Variants in MORC1 observed in about 807,000 individuals in gnomAD.
MORC1 encodes the protein MORC family CW-type zinc finger protein 1.
In MORC1, 59 loss-of-function variants were observed where a neutral mutation model predicts 134.9. The observed-to-expected ratio is 0.44, with a 90% confidence interval of 0.35 to 0.54. The LOEUF (loss-of-function observed/expected upper bound fraction) is 0.54, where lower values mean the gene tolerates loss of function less well. Ranked by LOEUF, MORC1 falls within the 20% of genes least tolerant of loss-of-function variation. The probability of loss-of-function intolerance (pLI) is 0.00; values close to 1 mark genes in which losing one functional copy is unlikely to be tolerated. For missense variants in MORC1, 947 were observed against 1,134.5 expected (o/e 0.83, Z 2.37); for synonymous variants, 395 against 391.7 (o/e 1.01, Z -0.10).
intron 17 of MORC1, among the ~76,000 whole-genome samples, chr3:109,008,877 C>A (rs933937110): frequency 1.3e-5 from 2 of 152,044 alleles, no homozygotes; most frequent in East Asian, 3.9e-4. Context: ...AAGAAGTATG[C>A]TAAAATCAAA....
chr3:109,090,228 G>C (rs888769274), intron 8 of MORC1, among the ~76,000 whole-genome samples: 1 of 152,008 alleles, frequency 6.6e-6, no homozygotes, highest in Non-Finnish European at 1.5e-5. Flanking sequence ...TGACGTGATT[G>C]TCATCTTGAA....
At chr3:109,113,048 A>G (rs1951201223) in intron 2 of MORC1, among the ~76,000 whole-genome samples, 1 of 152,214 alleles carries the variant, frequency 6.6e-6, no homozygotes, top group Non-Finnish European at 1.5e-5. Context: ...GAGAAAAGAC[A>G]GTTGGAAAAA....
At chr3:109,106,468 T>G (rs1951039222) in intron 3 of MORC1, among the ~76,000 whole-genome samples, 1 of 152,200 alleles carries the variant, frequency 6.6e-6, no homozygotes, top group Non-Finnish European at 1.5e-5. Flanking sequence ...CTTGTTTATT[T>G]CAATTCCTTA....
chr3:109,069,547 A>G, intron 9 of MORC1, 85 bp downstream of exon 9: 1 of 1,307,926 alleles, frequency 7.6e-7, no homozygotes, highest in Non-Finnish European at 1.0e-6. Context: ...TATCAAAGTC[A>G]ATGTCCTCAC....
chr3:109,031,661 T>C (rs966610793), intron 16 of MORC1, among the ~76,000 whole-genome samples: 2 of 152,128 alleles, frequency 1.3e-5, no homozygotes, highest in Admixed American at 1.3e-4. Flanking sequence ...ATTCTCATTT[T>C]TCCAAAATAA....
At chr3:109,114,341 C>T in intron 2 of MORC1, 43 bp downstream of exon 2, 1 of 1,520,344 alleles carries the variant, frequency 6.6e-7, no homozygotes, top group Middle Eastern at 1.7e-4. Flanking sequence ...AGAGTTATGT[C>T]ATGAAATTCC....
chr3:109,116,955 G>A (rs1410615039), intron 1 of MORC1, among the ~76,000 whole-genome samples: 1 of 152,144 alleles, frequency 6.6e-6, no homozygotes, highest in Admixed American at 6.5e-5. Flanking sequence ...TGAAGCAGTA[G>A]CCACAAAATC....
At chr3:109,069,502 TG>T in intron 9 of MORC1, 129 bp downstream of exon 9, 2 of 875,312 alleles carry the variant, frequency 2.3e-6, no homozygotes, top group Non-Finnish European at 3.3e-6. Context: ...TTCCTGGATG[TG>T]GTTTAAATTT....
At chr3:109,058,467 G>A (rs1950011122) in intron 12 of MORC1, among the ~76,000 whole-genome samples, 1 of 151,962 alleles carries the variant, frequency 6.6e-6, no homozygotes, top group South Asian at 2.1e-4. Context: ...TTGGCCTTTT[G>A]TTTTCAGGCT....
intron 3 of MORC1, among the ~76,000 whole-genome samples, chr3:109,104,930 T>A (rs1950997898): frequency 6.6e-6 from 1 of 151,912 alleles, no homozygotes; most frequent in African/African-American, 2.4e-5. Context: ...AGCGAACATA[T>A]CCACACCTCA....
At chr3:109,032,667 G>A in intron 16 of MORC1, 53 bp downstream of exon 16, 2 of 1,266,866 alleles carry the variant, frequency 1.6e-6, no homozygotes, top group Non-Finnish European at 2.2e-6. Flanking sequence ...TCATACATAT[G>A]AACTTTAGAA....
rs187718626 is a variant in MORC1 at position 109,095,996 on chromosome 3, C to A, written c.424-928G>T. On this transcript the variant is annotated intron_variant, in intron 6 of 27. Transcript: ENST00000232603. ...AAGCCTCTAATATGATAATAGAGAA[C>A]AAATAATTATAAACAAAGTAACTCA... Among the ~76,000 whole-genome samples, 6 of 152,016 alleles carry A rather than the reference C, an allele frequency of 3.9e-5. No homozygotes were observed. The East Asian group carries it at 1.2e-3, about 29-fold the overall frequency.
intron 1 of MORC1, among the ~76,000 whole-genome samples, chr3:109,115,328 AAC>A (rs58831825): frequency 0.013 from 1,957 of 148,740 alleles, 28 homozygotes; most frequent in African/African-American, 0.035. Flanking sequence ...GTATTTTTAA[AAC>A]ACACACACAC....
intron 14 of MORC1, among the ~76,000 whole-genome samples, chr3:109,041,076 CCAAGGTGGGTGGATCA>C (rs1466091610): frequency 1.3e-5 from 2 of 151,900 alleles, no homozygotes; most frequent in East Asian, 3.9e-4. Flanking sequence ...CTTTGGGAGG[CCAAGGTGGGTGGATCA>C]CAAGGTCCAG....
intron 27 of MORC1, among the ~76,000 whole-genome samples, chr3:108,960,923 G>A (rs967330440): frequency 6.6e-6 from 1 of 152,176 alleles, no homozygotes; most frequent in Non-Finnish European, 1.5e-5. Context: ...TGGACTAAAA[G>A]GCTGCTGCCA....
chr3:109,071,495 G>A (rs1468729937), intron 8 of MORC1, among the ~76,000 whole-genome samples: 4 of 152,088 alleles, frequency 2.6e-5, no homozygotes, highest in African/African-American at 9.7e-5. Flanking sequence ...AAGGACTCAT[G>A]GGCCTTAGCA....
intron 14 of MORC1, among the ~76,000 whole-genome samples, chr3:109,054,304 A>G (rs1576684822): frequency 1.3e-5 from 2 of 152,060 alleles, no homozygotes; most frequent in East Asian, 3.9e-4. Context: ...AAAGTTTAAC[A>G]TATCTACAAT....
intron 21 of MORC1, among the ~76,000 whole-genome samples, chr3:108,996,286 G>GCACACACACACACACA (rs66629906): frequency 7.4e-4 from 108 of 146,464 alleles, no homozygotes; most frequent in African/African-American, 2.6e-3. Context: ...GCGCGCGCGC[G>GCACACACACACACACA]CACACACACA....
At chr3:109,008,580 A>G (rs943353231) in intron 17 of MORC1, among the ~76,000 whole-genome samples, 1 of 151,654 alleles carries the variant, frequency 6.6e-6, no homozygotes, top group African/African-American at 2.4e-5. Context: ...ACTTGTAATT[A>G]TTGCTTTATT....
Sources: gnomAD v4.1 joint callset for allele counts (sites outside exome capture counted in the v4.1 genomes callset) on GRCh38, gnomAD v4.1.1 for gene constraint, MANE v1.5 for transcripts, NCBI Gene and HGNC (gene_info 2026-07-23, HGNC 2026-07-21) for gene names.